PTPRD: variants seen among roughly 807,000 people sequenced by gnomAD.
The protein encoded by PTPRD is protein tyrosine phosphatase receptor type D.
Under a neutral mutation model 214.5 loss-of-function variants are expected in PTPRD, and 34 were observed. That is an observed-to-expected ratio of 0.16 (90% CI 0.12 to 0.21). The LOEUF is 0.21. PTPRD is among the 10% of genes least tolerant of loss of function. The probability of loss-of-function intolerance (pLI) is 1.00; values close to 1 mark genes in which losing one functional copy is unlikely to be tolerated. For missense variants in PTPRD, 2,545 were observed against 2,398.7 expected, an observed-to-expected ratio of 1.06 and a Z score of -1.27; for synonymous variants, 1,128 against 845.7, an observed-to-expected ratio of 1.33 and a Z score of -5.79.
chr9:8,650,593 A>G (rs2096788672), intron 12 of PTPRD, among the ~76,000 whole-genome samples: 1 of 152,048 alleles, frequency 6.6e-6, no homozygotes, highest in South Asian at 2.1e-4. Context: ...AAGGCAAAGT[A>G]AAAAATAAAG....
chr9:10,533,479 G>A (rs2056980495), intron 2 of PTPRD, among the ~76,000 whole-genome samples: 1 of 151,900 alleles, frequency 6.6e-6, no homozygotes, highest in African/African-American at 2.4e-5. Flanking sequence ...CAGCTGTCTC[G>A]CTGAGTCTTT....
chr9:8,929,917 G>GTATA (rs200428874), intron 11 of PTPRD, among the ~76,000 whole-genome samples: 1 of 79,102 alleles, frequency 1.3e-5, no homozygotes, highest in Non-Finnish European at 2.4e-5. Flanking sequence ...ATATGTGTGT[G>GTATA]TATATATATA....
At chr9:10,491,133 C>G (rs1266524454) in intron 2 of PTPRD, among the ~76,000 whole-genome samples, 1 of 152,136 alleles carries the variant, frequency 6.6e-6, no homozygotes, top group African/African-American at 2.4e-5. Flanking sequence ...CCAGGATATC[C>G]TGTGTTCAAT....
intron 2 of PTPRD, among the ~76,000 whole-genome samples, chr9:10,420,226 T>A (rs1008933361): frequency 1.3e-5 from 2 of 151,878 alleles, no homozygotes; most frequent in Non-Finnish European, 2.9e-5. Context: ...ATAATAATAA[T>A]TTCTATCAGG....
In PTPRD at chr9:10,358,289, T is replaced by A. The variant is rs925838361; in HGVS notation, c.-599-17272A>T. 2.2e-4 allele frequency among the ~76,000 whole-genome samples: 33 copies of A among 152,154 alleles called. 1 individual carries two copies. The highest frequency in any genetic ancestry group is 7.5e-4 in the African/African-American group (31 of 41,576). On this transcript the variant is annotated intron_variant, in intron 2 of 45. Coordinates refer to ENST00000381196, the MANE Select transcript of PTPRD (RefSeq NM_002839.4). The stretch of plus-strand genomic sequence containing the variant: ...AATTCTTCAAATACAGAACTAAGCA[T>A]CTTTAATCATGCTAATTAGCATAAA...
intron 3 of PTPRD, among the ~76,000 whole-genome samples, chr9:10,288,718 G>A (rs1285101767): frequency 6.6e-6 from 1 of 152,066 alleles, no homozygotes; most frequent in Non-Finnish European, 1.5e-5. Flanking sequence ...AAGCATCTCT[G>A]GCATGAAAGC....
At chr9:8,416,941 A>T (rs2093980902) in intron 35 of PTPRD, among the ~76,000 whole-genome samples, 1 of 152,080 alleles carries the variant, frequency 6.6e-6, no homozygotes, top group Non-Finnish European at 1.5e-5. Flanking sequence ...CTGGGATGTA[A>T]ATGCAGAGAT....
rs1348975977 is a variant in PTPRD, at chr9:8,655,750, T to C, written c.65-18906A>G. 2.0e-5 allele frequency among the ~76,000 whole-genome samples: 3 copies of C among 151,994 alleles called. No individual in the cohort carries two copies. In the East Asian group the frequency reaches 5.8e-4, roughly 29 times the overall value. On this transcript the variant is annotated intron_variant, in intron 12 of 45. Transcript: ENST00000381196. ...ACCATTCCCACTTGCTTTTTTTTTTTTTCTTTTTTTAATATCTCCTTCACC... is the reference window on the plus strand; with the variant it reads ...ACCATTCCCACTTGCTTTTTTTTTTCTTCTTTTTTTAATATCTCCTTCACC...
intron 11 of PTPRD, among the ~76,000 whole-genome samples, chr9:8,760,545 G>A (rs1274201379): frequency 6.6e-6 from 1 of 151,868 alleles, no homozygotes; most frequent in Admixed American, 6.6e-5. Context: ...TACAAAATGT[G>A]GAAATGGAGA....
At chr9:9,504,459 C>T (rs560261855) in intron 8 of PTPRD, among the ~76,000 whole-genome samples, 38 of 151,772 alleles carry the variant, frequency 2.5e-4, no homozygotes, top group African/African-American at 8.9e-4. Flanking sequence ...ATCCCCAACA[C>T]ACATTTACTA....
At chr9:9,894,653 G>A (rs2074432719) in intron 5 of PTPRD, among the ~76,000 whole-genome samples, 1 of 151,882 alleles carries the variant, frequency 6.6e-6, no homozygotes, top group Admixed American at 6.6e-5. Context: ...TTCTTCCTAA[G>A]AACTTTCATA....
At position 10,472,740 on chromosome 9, in the gene PTPRD, G is replaced by A. The variant is rs188054057; in HGVS notation, c.-599-131723C>T. Among the ~76,000 whole-genome samples the A allele has an allele frequency of 4.0e-3, 610 of 151,700 alleles. 5 individuals are homozygous for A. The highest frequency in any genetic ancestry group is 0.014 in the African/African-American group (580 of 41,354). ...AGGTAGCTAGAATTCTCTTATACAT[G>A]GAGAATACTTATAACATCCTAGAAA... On this transcript the variant is annotated intron_variant, in intron 2 of 45. Coordinates refer to ENST00000381196, the MANE Select transcript of PTPRD (RefSeq NM_002839.4).
At chr9:9,637,671 A>G (rs1052588829) in intron 7 of PTPRD, among the ~76,000 whole-genome samples, 8 of 152,048 alleles carry the variant, frequency 5.3e-5, no homozygotes, top group African/African-American at 1.7e-4. Context: ...CCAGGCTGCT[A>G]CTGCATGCTG....
intron 7 of PTPRD, among the ~76,000 whole-genome samples, chr9:9,724,904 T>C (rs906294496): frequency 1.3e-5 from 2 of 152,072 alleles, no homozygotes; most frequent in Non-Finnish European, 2.9e-5. Flanking sequence ...TAAGCTACAG[T>C]ACAATGAAGA....
At chr9:8,364,691 G>T (rs1260295061) in intron 39 of PTPRD, among the ~76,000 whole-genome samples, 1 of 152,232 alleles carries the variant, frequency 6.6e-6, no homozygotes, top group Non-Finnish European at 1.5e-5. Context: ...GGCAGGACAA[G>T]TTTATCTATC....
chr9:9,736,902 T>A (rs1596353732), intron 6 of PTPRD, among the ~76,000 whole-genome samples: 1 of 152,120 alleles, frequency 6.6e-6, no homozygotes. Context: ...ACTCACTTAC[T>A]GTTTCTTACG....
At chr9:9,606,867 C>A (rs1285847925) in intron 7 of PTPRD, among the ~76,000 whole-genome samples, 1 of 145,376 alleles carries the variant, frequency 6.9e-6, no homozygotes, top group Non-Finnish European at 1.5e-5. Flanking sequence ...GCACAGCCTG[C>A]AAGCTATACT....
intron 4 of PTPRD, among the ~76,000 whole-genome samples, chr9:9,970,162 T>C (rs1188897421): frequency 6.6e-6 from 1 of 152,140 alleles, no homozygotes; most frequent in African/African-American, 2.4e-5. Flanking sequence ...GTTTTAGTCA[T>C]GAGGTGTCAC....
chr9:10,142,589 C>A (rs1379374849), intron 3 of PTPRD, among the ~76,000 whole-genome samples: 2 of 151,012 alleles, frequency 1.3e-5, no homozygotes, highest in African/African-American at 2.4e-5. Context: ...CATTTCACAC[C>A]AGTTAGAATG....
Sources: allele counts gnomAD v4.1 joint callset (sites outside exome capture counted in the v4.1 genomes callset), GRCh38; gene constraint gnomAD v4.1.1; transcripts MANE v1.5; gene names NCBI Gene and HGNC (gene_info 2026-07-23, HGNC 2026-07-21).